The following C11orf65 variants were observed in gnomAD, a reference collection of about 807,000 sequenced individuals.
The protein encoded by C11orf65 is chromosome 11 open reading frame 65.
In C11orf65, 38 loss-of-function variants were observed where a neutral mutation model predicts 35.3. The ratio of observed to expected loss-of-function variants is 1.08; its 90% CI spans 0.83 to 1.41. The LOEUF is 1.41. Ranked by LOEUF, C11orf65 falls within the 40% of genes most tolerant of loss-of-function variation. The probability of loss-of-function intolerance (pLI) is 0.00; values close to 1 mark genes in which losing one functional copy is unlikely to be tolerated. For synonymous variants in C11orf65, 105 were observed against 114.4 expected, an observed-to-expected ratio of 0.92 and a Z score of 0.53; for missense variants, 370 against 367.1, an observed-to-expected ratio of 1.01 and a Z score of -0.06.
At chr11:108,375,401 G>A (rs1258796171) in intron 2 of C11orf65, among the ~76,000 whole-genome samples, 1 of 150,836 alleles carries the variant, frequency 6.6e-6, no homozygotes, top group South Asian at 2.2e-4. Context: ...CATCAGTGAA[G>A]TAGAAATAAA....
At chr11:108,424,020 C>T (rs1233462617) in intron 3 of C11orf65, among the ~76,000 whole-genome samples, 2 of 152,180 alleles carry the variant, frequency 1.3e-5, no homozygotes, top group African/African-American at 4.8e-5. Context: ...TATCACAACT[C>T]CTTGCCAGCA....
At chr11:108,371,552 A>AGC (rs2091576838) in intron 2 of C11orf65, among the ~76,000 whole-genome samples, 1 of 152,176 alleles carries the variant, frequency 6.6e-6, no homozygotes, top group Non-Finnish European at 1.5e-5. Flanking sequence ...ATGTTGTAAT[A>AGC]TATTGCAGAA....
chr11:108,365,049 T>G (rs746011368), intron 2 of C11orf65: 21 of 1,607,762 alleles, frequency 1.3e-5, no homozygotes, highest in Non-Finnish European at 1.7e-5. Context: ...AAATGTACAT[T>G]GTTCTTTTAA....
chr11:108,334,857 C>T lies in C11orf65; in HGVS notation c.299+363G>A, dbSNP rs977911239. 12 of 1,296,720 alleles carry T rather than the reference C, an allele frequency of 9.3e-6. No individual in the cohort carries two copies. The Admixed American group carries it at 1.9e-4, about 20-fold the overall frequency. 80.3% of individuals were successfully genotyped at this position (1,296,720 alleles called of 1,614,324 possible). ...AAGTTGTAGTTCTTAACCACTATCA[C>T]ATCGTCATTTGTTTCTCTGTTTAAT... On this transcript the variant is annotated intron_variant, in intron 3 of 3. Transcript: ENST00000524755.
At chr11:108,436,630 A>C (rs2093063649) in intron 2 of C11orf65, among the ~76,000 whole-genome samples, 1 of 152,240 alleles carries the variant, frequency 6.6e-6, no homozygotes, top group Admixed American at 6.5e-5. Context: ...AACTTGACCA[A>C]ACAAGGACAA....
chr11:108,461,659 G>T, intron 1 of C11orf65, 91 bp from the exon 2 acceptor site: 1 of 855,882 alleles, frequency 1.2e-6, no homozygotes, highest in Non-Finnish European at 1.8e-6. Flanking sequence ...ACACATTCTT[G>T]CTCTGTCACC....
intron 1 of C11orf65, among the ~76,000 whole-genome samples, 197 bp downstream of exon 1, chr11:108,467,274 G>A (rs1475855899): frequency 6.6e-6 from 1 of 152,112 alleles, no homozygotes; most frequent in Admixed American, 6.5e-5. Context: ...CTCCCGGGCA[G>A]GACTGTAAAC....
At chr11:108,357,224 G>A (rs751567298) in intron 2 of C11orf65, among the ~76,000 whole-genome samples, 37 of 152,332 alleles carry the variant, frequency 2.4e-4, no homozygotes, top group Non-Finnish European at 4.7e-4. Context: ...CCCGAATATT[G>A]CGCTTTTTGG....
intron 1 of C11orf65, among the ~76,000 whole-genome samples, chr11:108,465,382 T>C (rs2093522564): frequency 6.6e-6 from 1 of 152,220 alleles, no homozygotes; most frequent in Admixed American, 6.5e-5. Flanking sequence ...TATTCCAGCA[T>C]TCAAAATTAT....
At chr11:108,400,666 C>T (rs1848851680) in intron 6 of C11orf65, among the ~76,000 whole-genome samples, 1 of 152,162 alleles carries the variant, frequency 6.6e-6, no homozygotes, top group Middle Eastern at 3.2e-3. Flanking sequence ...ATCTGGAAGC[C>T]TCGCTGCAAT....
intron 2 of C11orf65, among the ~76,000 whole-genome samples, chr11:108,351,942 C>T (rs1265593103): frequency 1.3e-5 from 2 of 152,164 alleles, no homozygotes; most frequent in African/African-American, 4.8e-5. Context: ...TTCAGCCCTA[C>T]TCAGCTATAG....
chr11:108,386,447 A>G (rs1336600551), intron 7 of C11orf65, among the ~76,000 whole-genome samples: 1 of 152,202 alleles, frequency 6.6e-6, no homozygotes, highest in African/African-American at 2.4e-5. Context: ...AGCTCATTAG[A>G]GCAGCAGCGC....
At chr11:108,367,400 G>A in intron 2 of C11orf65, 1 of 197,134 alleles carries the variant, frequency 5.1e-6, no homozygotes, top group East Asian at 7.9e-5. Flanking sequence ...CTGTTGGAAG[G>A]GAAGGGCTTA....
intron 2 of C11orf65, chr11:108,367,714 C>G (rs1276448817): frequency 4.6e-6 from 1 of 216,476 alleles, no homozygotes; most frequent in Non-Finnish European, 9.3e-6. Context: ...GATCTCCTCA[C>G]CTTCCCCTCC....
At chr11:108,312,618 C>T (rs1321575736) in intron 6 of C11orf65, 1 of 713,776 alleles carries the variant, frequency 1.4e-6, no homozygotes, top group African/African-American at 1.8e-5. Context: ...CTGGACTAAG[C>T]ATCATATATA....
At chr11:108,420,471 C>T (rs1280364682) in intron 3 of C11orf65, among the ~76,000 whole-genome samples, 4 of 152,162 alleles carry the variant, frequency 2.6e-5, no homozygotes, top group African/African-American at 9.7e-5. Flanking sequence ...CCTCACCCAC[C>T]ACATTCTGCT....
intron 7 of C11orf65, among the ~76,000 whole-genome samples, chr11:108,387,148 CTTTTTTTTTTT>C (rs1175890979): frequency 5.9e-5 from 5 of 84,412 alleles, no homozygotes; most frequent in Non-Finnish European, 8.5e-5. Context: ...TTCTTTCTTT[CTTTTTTTTTTT>C]TTTTTTTTTT....
intron 5 of C11orf65, 47 bp downstream of exon 5, chr11:108,406,716 G>A: frequency 3.5e-6 from 4 of 1,154,010 alleles, no homozygotes; most frequent in Non-Finnish European, 3.6e-6. Context: ...AAGACAAATG[G>A]GTTTCTAAAT....
chr11:108,405,309 A>G (rs1299628292), intron 6 of C11orf65, 120 bp downstream of exon 6: 3 of 959,172 alleles, frequency 3.1e-6, no homozygotes, highest in Non-Finnish European at 4.6e-6. Flanking sequence ...CGTTTGGGTC[A>G]GGGTCTGCGG....
Sources: allele counts gnomAD v4.1 joint callset (sites outside exome capture counted in the v4.1 genomes callset), GRCh38; gene constraint gnomAD v4.1.1; transcripts MANE v1.5; gene names NCBI Gene and HGNC (gene_info 2026-07-23, HGNC 2026-07-21).